Variants in CATSPERB observed in about 807,000 individuals in gnomAD.
CATSPERB encodes the protein cation channel sperm-associated auxiliary subunit beta.
A neutral mutation model predicts 128.3 loss-of-function variants in CATSPERB; 93 were observed. That is an observed-to-expected ratio of 0.72 (90% confidence interval 0.61 to 0.86). The LOEUF (loss-of-function observed/expected upper bound fraction) is 0.86, where lower values mean the gene tolerates loss of function less well. Ranked by LOEUF, CATSPERB falls within the 40% of genes least tolerant of loss-of-function variation. CATSPERB has a pLI of 0.00. For missense variants in CATSPERB, 1,153 were observed against 1,329.5 expected, an observed-to-expected ratio of 0.87 and a Z score of 2.06; for synonymous variants, 381 against 448.8, an observed-to-expected ratio of 0.85 and a Z score of 1.91.
intron 14 of CATSPERB, among the ~76,000 whole-genome samples, chr14:91,660,551 A>T (rs1894861286): frequency 6.6e-6 from 1 of 152,204 alleles, no homozygotes; most frequent in Non-Finnish European, 1.5e-5. Context: ...ATCTTTAGGT[A>T]AGAGTTGTTT....
chr14:91,593,335 G>A (rs1893444770), intron 22 of CATSPERB, among the ~76,000 whole-genome samples: 2 of 152,200 alleles, frequency 1.3e-5, no homozygotes, highest in African/African-American at 2.4e-5. Context: ...TGCACCTGGT[G>A]CCTGGAAAAG....
In CATSPERB at chr14:91,610,382, ACT is replaced by A. The variant is rs1216943666; in HGVS notation, c.2598+96_2598+97del. 4.6e-6 allele frequency: 4 copies of A among 878,138 alleles called. No individual in the cohort carries two copies. In the African/African-American group the frequency reaches 5.0e-5, roughly 11 times the overall value. The allele number at this position is 878,138 out of a possible 1,614,324, so 54.4% of individuals were successfully genotyped here. ...AAATAACTGTGAAGTGTTTTGAGCC[ACT>A]CACAAAAGAAATGCTGAAACTGAAT... On this transcript the variant is annotated intron_variant, in intron 21 of 26. Coordinates refer to ENST00000256343, the MANE Select transcript of CATSPERB (RefSeq NM_024764.4).
In CATSPERB at chr14:91,621,770, A is replaced by G. The variant is rs746172721; in HGVS notation, c.2098T>C (p.Leu700=). The change falls in exon 19 of 27, where the codon TTA becomes CTA. Residue 700 remains leucine (L), a synonymous_variant. Coordinates refer to ENST00000256343, the MANE Select transcript of CATSPERB (RefSeq NM_024764.4). ...CCATTCCTTTGCCCAAAGTTGTATA[A>G]GAACCATGTGCTCTTTAGAAAGGTC... is the stretch of plus-strand genomic sequence containing the variant. ...NMTFLKSTWF[L]YNFGQRNGRT... 3.7e-6 allele frequency: 6 copies of G among 1,614,176 alleles called. No homozygotes were observed. The South Asian group carries it at 6.6e-5, about 18-fold the overall frequency.
chr14:91,658,505 T>G (rs73333689), intron 15 of CATSPERB, among the ~76,000 whole-genome samples: 5,814 of 151,296 alleles, frequency 0.038, 273 homozygotes, highest in African/African-American at 0.11. Context: ...CTACAGTCAA[T>G]AATAATTTAT....
intron 11 of CATSPERB, among the ~76,000 whole-genome samples, chr14:91,678,093 G>A (rs370618700): frequency 1.3e-5 from 2 of 152,268 alleles, no homozygotes; most frequent in South Asian, 2.1e-4. Context: ...GGGGGGCAAG[G>A]GGGGAGAGAG....
At chr14:91,649,388 G>C (rs1377482230) in intron 15 of CATSPERB, among the ~76,000 whole-genome samples, 2 of 151,494 alleles carry the variant, frequency 1.3e-5, no homozygotes, top group East Asian at 3.9e-4. Context: ...GGCTGGTCTT[G>C]AACTCCTGCG....
chr14:91,659,563 G>A (rs1894839915), intron 15 of CATSPERB, among the ~76,000 whole-genome samples: 1 of 152,194 alleles, frequency 6.6e-6, no homozygotes, highest in Non-Finnish European at 1.5e-5. Flanking sequence ...AACATGCTGA[G>A]CACAATTGTA....
At chr14:91,591,775 G>T in intron 23 of CATSPERB, 117 bp downstream of exon 23, 2 of 715,384 alleles carry the variant, frequency 2.8e-6, no homozygotes, top group South Asian at 3.3e-5. Flanking sequence ...ATTTAGCTCT[G>T]CATCATAATA....
At chr14:91,611,881 A>T (rs527500641) in intron 20 of CATSPERB, among the ~76,000 whole-genome samples, 3 of 152,300 alleles carry the variant, frequency 2.0e-5, no homozygotes, top group African/African-American at 7.2e-5. Flanking sequence ...ATTTTAAAAT[A>T]TTTTTTAAAG....
chr14:91,680,673 G>A lies in CATSPERB; in HGVS notation c.931+3204C>T, dbSNP rs776565005. ...CCCACTGGAGGGCATGACAGACCTG[G>A]GAAAGGTAGTCATACCACCCCAGCA... is the stretch of plus-strand genomic sequence containing the variant. On this transcript the variant is annotated intron_variant, in intron 11 of 26. Transcript: ENST00000256343. 1.7e-3 allele frequency among the ~76,000 whole-genome samples: 259 copies of A among 152,180 alleles called. 1 individual carries two copies. Among genetic ancestry groups the A allele is most frequent in the Non-Finnish European group, 2.8e-3 (192 of 68,002 alleles).
At chr14:91,695,461 T>C (rs970157205) in intron 7 of CATSPERB, among the ~76,000 whole-genome samples, 1 of 152,136 alleles carries the variant, frequency 6.6e-6, no homozygotes, top group Non-Finnish European at 1.5e-5. Flanking sequence ...GGAATAATTA[T>C]AGATGTCCAG....
intron 3 of CATSPERB, among the ~76,000 whole-genome samples, 160 bp from the exon 4 acceptor site, chr14:91,723,349 G>A (rs1439824553): frequency 6.6e-6 from 1 of 151,970 alleles, no homozygotes; most frequent in Non-Finnish European, 1.5e-5. Context: ...TATTATGCTA[G>A]CATCATAAAG....
chr14:91,703,109 C>T (rs983938059), intron 7 of CATSPERB, among the ~76,000 whole-genome samples: 3 of 151,704 alleles, frequency 2.0e-5, no homozygotes, highest in Non-Finnish European at 4.4e-5. Context: ...ATATTATCTA[C>T]GAGTAATAAA....
intron 17 of CATSPERB, among the ~76,000 whole-genome samples, chr14:91,628,359 C>G (rs1215384552): frequency 6.6e-6 from 1 of 152,102 alleles, no homozygotes; most frequent in Non-Finnish European, 1.5e-5. Flanking sequence ...AAAAATGGGC[C>G]AAAGACCTTA....
Position 91,669,906 on chromosome 14 carries a change from AT to A in CATSPERB, c.1194del (p.Lys398AsnfsTer45), listed in dbSNP as rs759456563. ...LRNNEPNSQSKFPIFRFPSSF... is the reference protein window; with the variant it reads ...LRNNEPNSQSXFPIFRFPSSF... ...GATGAAGGAAACCGAAAAATTGGAA[AT>A]TTTGATTGTGAATTTGGTTCATTAT... is the stretch of plus-strand genomic sequence containing the variant. On this transcript the variant is annotated frameshift_variant, in exon 14 of 27. Transcript: ENST00000256343. LOFTEE classifies it high-confidence loss of function. The A allele has an allele frequency of 1.9e-6, 3 of 1,613,590 alleles. No individual in the cohort carries two copies. The highest frequency in any genetic ancestry group is 2.5e-6 in the Non-Finnish European group (3 of 1,179,870).
chr14:91,720,093 A>C (rs980386431), intron 4 of CATSPERB, among the ~76,000 whole-genome samples: 1 of 152,162 alleles, frequency 6.6e-6, no homozygotes, highest in African/African-American at 2.4e-5. Context: ...AAACATTCCA[A>C]ATTTGCTAAA....
At chr14:91,637,630 A>T (rs1894400444) in intron 16 of CATSPERB, among the ~76,000 whole-genome samples, 1 of 152,170 alleles carries the variant, frequency 6.6e-6, no homozygotes, top group African/African-American at 2.4e-5. Flanking sequence ...TCATAAGTGA[A>T]ATAGGAATAA....
chr14:91,648,524 C>A (rs1894645382), intron 15 of CATSPERB, among the ~76,000 whole-genome samples: 1 of 152,164 alleles, frequency 6.6e-6, no homozygotes, highest in Admixed American at 6.5e-5. Context: ...TCTACTTTGG[C>A]ACTTCAGTTG....
At chr14:91,622,997 C>G (rs890719416) in intron 18 of CATSPERB, among the ~76,000 whole-genome samples, 25 of 149,116 alleles carry the variant, frequency 1.7e-4, no homozygotes, top group Non-Finnish European at 2.5e-4. Context: ...TGGGTTCAAA[C>G]AATTCTCCTG....
Sources: allele counts gnomAD v4.1 joint callset (sites outside exome capture counted in the v4.1 genomes callset), GRCh38; gene constraint gnomAD v4.1.1; transcripts MANE v1.5; gene names NCBI Gene and HGNC (gene_info 2026-07-23, HGNC 2026-07-21).